The following TMEM154 variants were observed in gnomAD, a reference collection of about 807,000 sequenced individuals.
TMEM154 encodes transmembrane protein 154.
A neutral mutation model predicts 24.5 loss-of-function variants in TMEM154; 27 were observed. The ratio of observed to expected loss-of-function variants is 1.10; its 90% CI spans 0.81 to 1.52. The LOEUF is 1.52. Among genes scored for constraint, TMEM154 ranks in the 40% most tolerant of loss-of-function variants. The probability of loss-of-function intolerance (pLI) is 0.00; values close to 1 mark genes in which losing one functional copy is unlikely to be tolerated. For synonymous variants in TMEM154, 67 were observed against 76.8 expected, an observed-to-expected ratio of 0.87 and a Z score of 0.67; for missense variants, 228 against 213.4, an observed-to-expected ratio of 1.07 and a Z score of -0.43.
chr4:152,638,789 C>T (rs1019485474), intron 6 of TMEM154, among the ~76,000 whole-genome samples: 2 of 152,158 alleles, frequency 1.3e-5, no homozygotes, highest in Non-Finnish European at 2.9e-5. Context: ...TTCTCGAATG[C>T]TGGTGCTGGC....
chr4:152,669,980 C>T (rs1728794220), intron 1 of TMEM154: 1 of 152,170 alleles, frequency 6.6e-6, no homozygotes, highest in South Asian at 2.1e-4. Context: ...TTATGTTACA[C>T]AAAGTTTAGT....
At chr4:152,656,370 C>T (rs776323513) in intron 1 of TMEM154, among the ~76,000 whole-genome samples, 4 of 152,132 alleles carry the variant, frequency 2.6e-5, no homozygotes, top group Non-Finnish European at 5.9e-5. Context: ...TCAACCCACC[C>T]CTGTCACCAC....
chr4:152,678,369 A>G (rs1441559216), intron 1 of TMEM154, among the ~76,000 whole-genome samples: 1 of 151,412 alleles, frequency 6.6e-6, no homozygotes, highest in Non-Finnish European at 1.5e-5. Context: ...AAAAAAGTTC[A>G]GGCAAGATGA....
intron 3 of TMEM154, among the ~76,000 whole-genome samples, chr4:152,645,840 G>T (rs1752358571): frequency 6.6e-6 from 1 of 151,874 alleles, no homozygotes; most frequent in Non-Finnish European, 1.5e-5. Context: ...TGCCTTCCAG[G>T]AGCTGCAGGC....
chr4:152,645,934 TACACACACACACACACAC>T (rs10545647), intron 3 of TMEM154, among the ~76,000 whole-genome samples: 9 of 140,462 alleles, frequency 6.4e-5, no homozygotes, highest in East Asian at 6.3e-4. Flanking sequence ...GAAAGGAGAA[TACACACACACACACACAC>T]ACACACACAC....
intron 6 of TMEM154, among the ~76,000 whole-genome samples, chr4:152,636,631 G>A (rs1399401957): frequency 6.6e-6 from 1 of 152,192 alleles, no homozygotes; most frequent in African/African-American, 2.4e-5. Context: ...AGTTCTGAAA[G>A]GCCTGAGATT....
At chr4:152,654,577 C>T (rs1175005683) in intron 1 of TMEM154, among the ~76,000 whole-genome samples, 1 of 152,100 alleles carries the variant, frequency 6.6e-6, no homozygotes, top group Non-Finnish European at 1.5e-5. Context: ...GAGGTGAGGC[C>T]TTTGAGAGGT....
Position 152,626,629 on chromosome 4 carries a change from T to C in TMEM154, c.*1917A>G, listed in dbSNP as rs1350393303. On this transcript the variant is annotated 3_prime_UTR_variant, in exon 7 of 7. Transcript: ENST00000304385. Reference sequence around the variant, plus strand: ...GCATGAGAATATTTTTATCATATTATATAATATGACTTCATCAACATGAAG... The same window carrying C: ...GCATGAGAATATTTTTATCATATTACATAATATGACTTCATCAACATGAAG... 1 of 152,182 alleles carries C rather than the reference T, an allele frequency of 6.6e-6. No homozygotes were observed. The highest frequency in any genetic ancestry group is 6.5e-5 in the Admixed American group (1 of 15,274). The allele number at this position is 152,182 out of a possible 1,614,324, so 9.4% of individuals were successfully genotyped here. A position where few individuals can be genotyped will look rare whatever the true frequency, so the allele number is the denominator to read the frequency against.
chr4:152,619,753 T>C lies in TMEM154; in HGVS notation c.*8793A>G, dbSNP rs1008375287. The C allele has an allele frequency of 2.0e-5, 3 of 152,094 alleles. No individual in the cohort carries two copies. The highest frequency in any genetic ancestry group is 7.2e-5 in the African/African-American group (3 of 41,404). 9.4% of individuals were successfully genotyped at this position (152,094 alleles called of 1,614,324 possible). A position where few individuals can be genotyped will look rare whatever the true frequency, so the allele number is the denominator to read the frequency against. On this transcript the variant is annotated 3_prime_UTR_variant, in exon 7 of 7. Coordinates refer to ENST00000304385, the MANE Select transcript of TMEM154 (RefSeq NM_152680.3). ...CTCCTATCCGACAGCCAGAACAAAC[T>C]TGCCAGCCATGTGAGTCATCTGAAA...
chr4:152,652,390 T>G (rs1020486012), intron 3 of TMEM154, 148 bp downstream of exon 3: 2 of 1,187,970 alleles, frequency 1.7e-6, no homozygotes, highest in Admixed American at 3.0e-5. Context: ...GAAAGGAATA[T>G]GCATATATTC....
chr4:152,629,184 T>C (rs1751985943), intron 6 of TMEM154, among the ~76,000 whole-genome samples: 1 of 152,244 alleles, frequency 6.6e-6, no homozygotes, highest in South Asian at 2.1e-4. Context: ...CAGATGGAGT[T>C]GGGGGTTCCC....
chr4:152,643,962 TCTC>T (rs1202335852), intron 4 of TMEM154, among the ~76,000 whole-genome samples: 1 of 151,008 alleles, frequency 6.6e-6, no homozygotes, highest in African/African-American at 2.4e-5. Flanking sequence ...ACTCTTCCCT[TCTC>T]CTCCTCTCTC....
chr4:152,622,183 A>G lies in TMEM154; in HGVS notation c.*6363T>C, dbSNP rs1751853870. On this transcript the variant is annotated 3_prime_UTR_variant, in exon 7 of 7. Coordinates refer to ENST00000304385, the MANE Select transcript of TMEM154 (RefSeq NM_152680.3). Reference sequence around the variant, plus strand: ...TAAAATTTCATTCCTTCATTTAAAAATGTTTTGTAAGGAAGAATAAAGACA... The same window carrying G: ...TAAAATTTCATTCCTTCATTTAAAAGTGTTTTGTAAGGAAGAATAAAGACA... 6.6e-6 allele frequency: 1 copy of G among 152,264 alleles called. No individual in the cohort carries two copies. The highest frequency in any genetic ancestry group is 2.4e-5 in the African/African-American group (1 of 41,472). The allele number at this position is 152,264 out of a possible 1,614,324, so 9.4% of individuals were successfully genotyped here.
intron 1 of TMEM154, among the ~76,000 whole-genome samples, chr4:152,676,865 T>C (rs965320097): frequency 1.3e-5 from 2 of 152,202 alleles, no homozygotes; most frequent in Non-Finnish European, 2.9e-5. Context: ...ACCAAAACAG[T>C]CACAGCATCC....
At chr4:152,636,954 A>G (rs575876801) in intron 6 of TMEM154, among the ~76,000 whole-genome samples, 16 of 152,342 alleles carry the variant, frequency 1.1e-4, no homozygotes, top group Admixed American at 9.1e-4. Context: ...TACTACTTCA[A>G]TGACAGAGGA....
chr4:152,647,193 G>A, intron 3 of TMEM154: 1 of 972,728 alleles, frequency 1.0e-6, no homozygotes, highest in Non-Finnish European at 1.2e-6. Flanking sequence ...CCCAAGTGCA[G>A]TAAGAAACAG....
chr4:152,678,544 G>A (rs1728994754), intron 1 of TMEM154, among the ~76,000 whole-genome samples: 1 of 131,698 alleles, frequency 7.6e-6, no homozygotes, highest in African/African-American at 2.7e-5. Context: ...GGGGAGGGGG[G>A]CAGTGGTGGT....
Position 152,628,236 on chromosome 4 carries a change from T to G in TMEM154, c.*310A>C. The G allele has an allele frequency of 2.2e-6, 1 of 464,646 alleles. No individual in the cohort carries two copies. The highest frequency in any genetic ancestry group is 3.9e-5 in the Admixed American group (1 of 25,526). 28.8% of individuals were successfully genotyped at this position (464,646 alleles called of 1,614,324 possible). A position where few individuals can be genotyped will look rare whatever the true frequency, so the allele number is the denominator to read the frequency against. On this transcript the variant is annotated 3_prime_UTR_variant, in exon 7 of 7. Transcript: ENST00000304385. ...CATGACCAGAGTGAGTTCAGTGAGC[T>G]AGAAGTTGGCTGAGAGGAGGCAACA... is the stretch of plus-strand genomic sequence containing the variant.
chr4:152,656,046 C>A (rs1728484211), intron 1 of TMEM154, among the ~76,000 whole-genome samples: 1 of 152,166 alleles, frequency 6.6e-6, no homozygotes, highest in Admixed American at 6.5e-5. Flanking sequence ...CTCCCAGATG[C>A]CTGAGGTTGG....
Sources: gnomAD v4.1 joint callset for allele counts (sites outside exome capture counted in the v4.1 genomes callset) on GRCh38, gnomAD v4.1.1 for gene constraint, MANE v1.5 for transcripts, NCBI Gene and HGNC (gene_info 2026-07-23, HGNC 2026-07-21) for gene names.